GNG4: variants seen among roughly 807,000 people sequenced by gnomAD.
GNG4 encodes G protein subunit gamma 4.
In GNG4, 4 loss-of-function variants were observed where a neutral mutation model predicts 5.8. The observed-to-expected ratio is 0.69, with a 90% CI of 0.34 to 1.57. GNG4 has a LOEUF of 1.57. Ranked by LOEUF, GNG4 falls within the 40% of genes most tolerant of loss-of-function variation. GNG4 has a pLI of 0.06. For synonymous variants in GNG4, 29 were observed against 32.9 expected (o/e 0.88, Z 0.41); for missense variants, 96 against 95.1 (o/e 1.01, Z -0.04).
intron 1 of GNG4, among the ~76,000 whole-genome samples, chr1:235,599,377 C>T (rs1210869092): frequency 2.0e-5 from 3 of 150,566 alleles, no homozygotes; most frequent in Admixed American, 6.6e-5. Context: ...AGTGCAGTGA[C>T]GCGATCTTGG....
intron 3 of GNG4, among the ~76,000 whole-genome samples, chr1:235,559,412 G>C (rs1227862639): frequency 2.0e-5 from 3 of 152,256 alleles, no homozygotes; most frequent in Middle Eastern, 3.4e-3. Context: ...AAGCACTGCA[G>C]GGTGAACTCT....
chr1:235,647,968 G>T (rs1002147587), intron 1 of GNG4, among the ~76,000 whole-genome samples: 1 of 152,168 alleles, frequency 6.6e-6, no homozygotes, highest in African/African-American at 2.4e-5. Context: ...AATATTGGGG[G>T]ACTTCAGGGA....
chr1:235,619,432 T>C (rs895826675), intron 1 of GNG4, among the ~76,000 whole-genome samples: 1 of 152,012 alleles, frequency 6.6e-6, no homozygotes, highest in Non-Finnish European at 1.5e-5. Flanking sequence ...TTGTTTTCCC[T>C]TCCTGGGAGA....
chr1:235,583,302 A>C (rs56710996), intron 3 of GNG4, among the ~76,000 whole-genome samples: 1,823 of 152,112 alleles, frequency 0.012, 36 homozygotes, highest in African/African-American at 0.041. Context: ...ACCTTTCTTC[A>C]TTTTCACCAA....
chr1:235,616,905 A>ATT (rs553175038), intron 1 of GNG4, among the ~76,000 whole-genome samples: 15,719 of 115,478 alleles, frequency 0.14, 2,067 homozygotes, highest in East Asian at 0.57. Context: ...CACCTGGCTA[A>ATT]TTTTTTTTTT....
chr1:235,572,812 C>A (rs2841882), intron 3 of GNG4, among the ~76,000 whole-genome samples: 5 of 151,834 alleles, frequency 3.3e-5, no homozygotes, highest in African/African-American at 4.8e-5. Context: ...AAAATATACA[C>A]TACTAGAATC....
At chr1:235,639,775 G>A (rs573126217) in intron 1 of GNG4, among the ~76,000 whole-genome samples, 1 of 152,166 alleles carries the variant, frequency 6.6e-6, no homozygotes, top group Non-Finnish European at 1.5e-5. Context: ...CCAAAGTGCT[G>A]GGATATCAGG....
chr1:235,579,142 G>C (rs1687557527), intron 3 of GNG4, among the ~76,000 whole-genome samples: 1 of 151,730 alleles, frequency 6.6e-6, no homozygotes, highest in African/African-American at 2.4e-5. Context: ...AATTCGAGAG[G>C]TTTATTGCAC....
chr1:235,621,593 C>CA (rs1255410212), intron 1 of GNG4, among the ~76,000 whole-genome samples: 7 of 150,940 alleles, frequency 4.6e-5, no homozygotes, highest in Non-Finnish European at 8.9e-5. Context: ...CTGCACCTGG[C>CA]AAAAAAAAGT....
rs531212240 is a variant in GNG4 at position 235,644,714 on chromosome 1, T to C, written c.-123+4948A>G. ...CTAAAACCGAATGAGGACTGACTCA[T>C]GCTCGTTTAGTCGGCCACAGGCTAG... On this transcript the variant is annotated intron_variant, in intron 1 of 3. Coordinates refer to ENST00000391854, the MANE Select transcript of GNG4 (RefSeq NM_001098722.2). This position sits in a 1 kb window ranked among gnomAD's most constrained non-coding sequence, Gnocchi z 5.9. 6.6e-6 allele frequency among the ~76,000 whole-genome samples: 1 copy of C among 152,228 alleles called. No individual in the cohort carries two copies. Among genetic ancestry groups the C allele is most frequent in the Non-Finnish European group, 1.5e-5 (1 of 68,030 alleles).
intron 2 of GNG4, among the ~76,000 whole-genome samples, chr1:235,591,903 C>A (rs906160760): frequency 2.0e-5 from 3 of 152,176 alleles, no homozygotes; most frequent in Non-Finnish European, 2.9e-5. Context: ...GTCTGTGGGA[C>A]CCCCAGCAGG....
intron 3 of GNG4, among the ~76,000 whole-genome samples, chr1:235,563,674 T>C (rs2102920349): frequency 6.6e-6 from 1 of 152,192 alleles, no homozygotes; most frequent in African/African-American, 2.4e-5. Flanking sequence ...ATACTCACCT[T>C]CCCAGAATCT....
chr1:235,634,685 G>A (rs1200291349), intron 1 of GNG4, among the ~76,000 whole-genome samples: 1 of 152,242 alleles, frequency 6.6e-6, no homozygotes, highest in African/African-American at 2.4e-5. Flanking sequence ...GCTCACGCCT[G>A]TAATCCCAGC....
At chr1:235,600,243 T>G (rs1688230215) in intron 1 of GNG4, among the ~76,000 whole-genome samples, 1 of 150,616 alleles carries the variant, frequency 6.6e-6, no homozygotes, top group African/African-American at 2.4e-5. Context: ...GTCACTCGAG[T>G]AGCTGGGATT....
rs185151774 is a variant in GNG4 at position 235,644,400 on chromosome 1, C to T, written c.-123+5262G>A. 6.6e-6 allele frequency among the ~76,000 whole-genome samples: 1 copy of T among 152,362 alleles called. No homozygotes were observed. The highest frequency in any genetic ancestry group is 1.9e-4 in the East Asian group (1 of 5,186). On this transcript the variant is annotated intron_variant, in intron 1 of 3. Transcript: ENST00000391854. This position sits in a 1 kb window ranked among gnomAD's most constrained non-coding sequence, Gnocchi z 5.9. ...GAGCGACCCTCCTCGGCCACCTCCA[C>T]ACCCACACTCCAGGCCCACCACTGC...
At position 235,610,817 on chromosome 1, in the gene GNG4, G is replaced by A. The variant is rs193209209; in HGVS notation, c.-122-15306C>T. 7.6e-4 allele frequency among the ~76,000 whole-genome samples: 115 copies of A among 152,292 alleles called. 2 individuals carry two copies. Among genetic ancestry groups the A allele is most frequent in the Middle Eastern group, 3.4e-3 (1 of 294 alleles). On this transcript the variant is annotated intron_variant, in intron 1 of 3. Transcript: ENST00000391854. ...GCACTGCAAGAGGCTGGGCGTGGTG[G>A]CTCACTCCTGTAATCCCAACACTTT...
At chr1:235,566,050 A>G (rs551743650) in intron 3 of GNG4, 1 of 152,380 alleles carries the variant, frequency 6.6e-6, no homozygotes, top group Non-Finnish European at 1.5e-5. Context: ...GCAGAATTCT[A>G]GGACTGAATA....
At chr1:235,571,325 A>G (rs115659650) in intron 3 of GNG4, among the ~76,000 whole-genome samples, 4,697 of 152,250 alleles carry the variant, frequency 0.031, 191 homozygotes, top group African/African-American at 0.09. Context: ...GGCTCTCATC[A>G]CTTTTCAGCT....
intron 3 of GNG4, among the ~76,000 whole-genome samples, chr1:235,567,505 T>C (rs1358613557): frequency 6.6e-6 from 1 of 152,226 alleles, no homozygotes; most frequent in South Asian, 2.1e-4. Flanking sequence ...ACCATTCTCC[T>C]GTCTGTTTCT....
Sources: allele counts gnomAD v4.1 joint callset (sites outside exome capture counted in the v4.1 genomes callset), GRCh38; gene constraint gnomAD v4.1.1; non-coding constraint Gnocchi (gnomAD v3.1); transcripts MANE v1.5; gene names NCBI Gene and HGNC (gene_info 2026-07-23, HGNC 2026-07-21).